Variants in SIPA1L1 observed in about 807,000 individuals in gnomAD.
SIPA1L1 encodes the protein signal induced proliferation associated 1 like 1.
A neutral mutation model predicts 162.7 loss-of-function variants in SIPA1L1; 26 were observed. The ratio of observed to expected loss-of-function variants is 0.16; its 90% CI spans 0.12 to 0.22. The LOEUF (loss-of-function observed/expected upper bound fraction) is 0.22. Among genes scored for constraint, SIPA1L1 ranks in the 10% least tolerant of loss-of-function variants. SIPA1L1 has a pLI of 1.00. For missense variants in SIPA1L1, 1,874 were observed against 2,241.0 expected (o/e 0.84, Z 3.31); for synonymous variants, 829 against 837.4 (o/e 0.99, Z 0.17).
At chr14:71,544,390 G>A (rs760584922) in intron 4 of SIPA1L1, among the ~76,000 whole-genome samples, 3 of 151,568 alleles carry the variant, frequency 2.0e-5, no homozygotes, top group Non-Finnish European at 4.4e-5. Context: ...TGTCAGATAT[G>A]TATATTATGA....
chr14:71,498,120 A>G lies in SIPA1L1; in HGVS notation c.-464-14623A>G, dbSNP rs139319641. ...TTCAGACATCTTTCATGTATTTGCT[A>G]TCTTTGTACCTCTTTGGTGGAGTGT... On this transcript the variant is annotated intron_variant, in intron 2 of 23. Coordinates refer to ENST00000381232, the MANE Select transcript of SIPA1L1 (RefSeq NM_001386936.1). Among the ~76,000 whole-genome samples, 302 of 152,290 alleles carry G rather than the reference A, an allele frequency of 2.0e-3. 6 individuals are homozygous for G. Among genetic ancestry groups the G allele is most frequent in the East Asian group, 6.0e-3 (31 of 5,192 alleles).
chr14:71,685,100 G>C (rs776852915), intron 12 of SIPA1L1, among the ~76,000 whole-genome samples: 1 of 152,142 alleles, frequency 6.6e-6, no homozygotes, highest in African/African-American at 2.4e-5. Flanking sequence ...CAGGGTGTCC[G>C]TGGGTCCCAT....
chr14:71,457,825 G>C (rs2141779948), intron 2 of SIPA1L1, among the ~76,000 whole-genome samples: 1 of 151,360 alleles, frequency 6.6e-6, no homozygotes, highest in South Asian at 2.1e-4. Flanking sequence ...TCGAACTCCT[G>C]ACCTCAGGTG....
chr14:71,419,289 A>G (rs1239641349), intron 2 of SIPA1L1, among the ~76,000 whole-genome samples: 1 of 150,542 alleles, frequency 6.6e-6, no homozygotes, highest in Non-Finnish European at 1.5e-5. Flanking sequence ...CTTGTCTGCT[A>G]CCGACCAGTG....
At chr14:71,662,036 G>C (rs1238760208) in intron 10 of SIPA1L1, among the ~76,000 whole-genome samples, 2 of 152,216 alleles carry the variant, frequency 1.3e-5, no homozygotes, top group African/African-American at 2.4e-5. Context: ...GAATACTAGA[G>C]TTAGGAGTTG....
At chr14:71,410,351 T>C (rs1306403592) in intron 2 of SIPA1L1, among the ~76,000 whole-genome samples, 2 of 152,138 alleles carry the variant, frequency 1.3e-5, no homozygotes, top group African/African-American at 2.4e-5. Context: ...TTTCAGGAAG[T>C]ATAAGCAGGG....
chr14:71,725,578 G>A (rs902899920), intron 19 of SIPA1L1, among the ~76,000 whole-genome samples: 2 of 152,188 alleles, frequency 1.3e-5, no homozygotes, highest in Admixed American at 1.3e-4. Flanking sequence ...CACATGGAAA[G>A]GTTTGTGTAC....
intron 2 of SIPA1L1, among the ~76,000 whole-genome samples, chr14:71,466,596 A>AC (rs2047014360): frequency 6.6e-6 from 1 of 150,918 alleles, no homozygotes; most frequent in African/African-American, 2.4e-5. Flanking sequence ...AAAAAAAAAA[A>AC]CAGTAATAAA....
chr14:71,674,317 A>C lies in SIPA1L1; in HGVS notation c.3104+1695A>C, dbSNP rs148319426. On this transcript the variant is annotated intron_variant, in intron 12 of 23. Coordinates refer to ENST00000381232, the MANE Select transcript of SIPA1L1 (RefSeq NM_001386936.1). ...GGATGAGACAACAGTACAGACATCG[A>C]AATTGGAAATAGCTGTTACTAGAAA... is the stretch of plus-strand genomic sequence containing the variant. Among the ~76,000 whole-genome samples, 16 of 152,288 alleles carry C rather than the reference A, an allele frequency of 1.1e-4. No individual in the cohort carries two copies. In the East Asian group the frequency reaches 3.1e-3, roughly 29 times the overall value.
At chr14:71,582,139 G>A (rs1213873857) in intron 4 of SIPA1L1, among the ~76,000 whole-genome samples, 1 of 152,090 alleles carries the variant, frequency 6.6e-6, no homozygotes, top group East Asian at 1.9e-4. Flanking sequence ...TTAAAGATCA[G>A]CCTGGGCAAC....
chr14:71,548,169 A>G (rs1368343192), intron 4 of SIPA1L1, among the ~76,000 whole-genome samples: 6 of 152,230 alleles, frequency 3.9e-5, no homozygotes, highest in Non-Finnish European at 7.3e-5. Context: ...AAAGGCATTT[A>G]ATTTTTTTCA....
intron 9 of SIPA1L1, among the ~76,000 whole-genome samples, chr14:71,659,835 TAC>T (rs909140584): frequency 2.0e-5 from 3 of 152,140 alleles, no homozygotes; most frequent in African/African-American, 4.8e-5. Flanking sequence ...GCAAAAATGT[TAC>T]AGTCTTAAAT....
At chr14:71,466,748 T>C (rs1156229558) in intron 2 of SIPA1L1, among the ~76,000 whole-genome samples, 1 of 152,232 alleles carries the variant, frequency 6.6e-6, no homozygotes, top group Non-Finnish European at 1.5e-5. Context: ...TTTGCCACTA[T>C]TTCTGACTAA....
chr14:71,560,308 G>A (rs2056684577), intron 4 of SIPA1L1, among the ~76,000 whole-genome samples: 1 of 152,194 alleles, frequency 6.6e-6, no homozygotes, highest in Non-Finnish European at 1.5e-5. Context: ...GAAATCAACA[G>A]TCCAGGGCTG....
At chr14:71,391,266 C>T (rs914631707) in intron 2 of SIPA1L1, among the ~76,000 whole-genome samples, 5 of 151,894 alleles carry the variant, frequency 3.3e-5, no homozygotes, top group Non-Finnish European at 5.9e-5. Context: ...GCCACACGCC[C>T]GGCTAATTTT....
chr14:71,638,900 A>G (rs1405480031), intron 7 of SIPA1L1, among the ~76,000 whole-genome samples: 1 of 152,202 alleles, frequency 6.6e-6, no homozygotes, highest in African/African-American at 2.4e-5. Flanking sequence ...ATCCCTAAAC[A>G]AACAAACAAA....
At chr14:71,660,640 T>C (rs1196450199) in intron 9 of SIPA1L1, among the ~76,000 whole-genome samples, 1 of 152,190 alleles carries the variant, frequency 6.6e-6, no homozygotes, top group Admixed American at 6.5e-5. Context: ...TGGTTTTCCT[T>C]TACACTATTG....
chr14:71,706,776 G>A (rs2082469635), intron 16 of SIPA1L1, among the ~76,000 whole-genome samples: 1 of 152,170 alleles, frequency 6.6e-6, no homozygotes, highest in South Asian at 2.1e-4. Flanking sequence ...GCTCACACCT[G>A]TAATCCTAGC....
intron 2 of SIPA1L1, among the ~76,000 whole-genome samples, chr14:71,348,266 T>C (rs2036365860): frequency 6.6e-6 from 1 of 152,174 alleles, no homozygotes; most frequent in Non-Finnish European, 1.5e-5. Context: ...TTGCAATCAT[T>C]AGCCCTCCTG....
Sources: gnomAD v4.1 joint callset for allele counts (sites outside exome capture counted in the v4.1 genomes callset) on GRCh38, gnomAD v4.1.1 for gene constraint, MANE v1.5 for transcripts, NCBI Gene and HGNC (gene_info 2026-07-23, HGNC 2026-07-21) for gene names.